Variants in CPAP observed in about 807,000 individuals in gnomAD.
CPAP encodes centrosome assembly and centriole elongation protein.
the CPAP span, among the ~76,000 whole-genome samples, chr13:24,926,650 C>T: frequency 6.6e-6 from 1 of 152,190 alleles, no homozygotes; most frequent in Admixed American, 6.5e-5. Context: ...GACAGAGTTT[C>T]CCTGAGCCCC....
At chr13:24,892,908 A>T in the CPAP span, 1 of 1,333,896 alleles carries the variant, frequency 7.5e-7, no homozygotes, top group Non-Finnish European at 1.1e-6. Flanking sequence ...CCATTACTAC[A>T]TTACCAGAAT....
At chr13:24,885,788 A>C in the CPAP span, 1 of 746,152 alleles carries the variant, frequency 1.3e-6, no homozygotes, top group South Asian at 1.6e-5. Flanking sequence ...CCATTAGTTA[A>C]GGATGTCTTA....
the CPAP span, among the ~76,000 whole-genome samples, chr13:24,913,717 A>C: frequency 1.3e-5 from 2 of 152,252 alleles, no homozygotes; most frequent in South Asian, 4.1e-4. Context: ...AGTTCCTTGA[A>C]GATATCTATA....
the CPAP span, among the ~76,000 whole-genome samples, chr13:24,902,935 CA>C: frequency 7.9e-5 from 12 of 152,086 alleles, no homozygotes; most frequent in Non-Finnish European, 8.8e-5. Flanking sequence ...TACCAAAAAA[CA>C]AAGAAATACG....
At chr13:24,929,159 GCTCAAGTGTTCCTCCTGCCTCAGCCTCC>G in the CPAP span, among the ~76,000 whole-genome samples, 20 of 152,138 alleles carry the variant, frequency 1.3e-4, no homozygotes, top group Non-Finnish European at 1.3e-4. Context: ...AACCTCCAGG[GCTCAAGTGTTCCTCCTGCCTCAGCCTCC>G]CAGGAAGCTG....
chr13:24,921,457 A>G, the CPAP span, among the ~76,000 whole-genome samples: 28 of 152,210 alleles, frequency 1.8e-4, no homozygotes, highest in Middle Eastern at 3.2e-3. Flanking sequence ...TTCATCTCCA[A>G]ATTTTTGACT....
At chr13:24,883,901 C>G in the CPAP span, 4 of 1,609,574 alleles carry the variant, frequency 2.5e-6, no homozygotes, top group East Asian at 4.5e-5. Context: ...GGGGCACCTT[C>G]TGAGCACAGA....
At chr13:24,893,053 G>A in the CPAP span, among the ~76,000 whole-genome samples, 2 of 152,086 alleles carry the variant, frequency 1.3e-5, no homozygotes, top group African/African-American at 4.8e-5. Context: ...GAGTCTCACC[G>A]CAGACCATCA....
At chr13:24,912,278 G>A in the CPAP span, among the ~76,000 whole-genome samples, 10 of 151,948 alleles carry the variant, frequency 6.6e-5, no homozygotes, top group South Asian at 2.1e-4. Context: ...CTAAGAAACC[G>A]AAACAGTCAT....
chr13:24,885,730 T>C, the CPAP span: 1 of 1,149,210 alleles, frequency 8.7e-7, no homozygotes, highest in African/African-American at 1.5e-5. Context: ...TTTATTAGTA[T>C]GATCACACAT....
the CPAP span, chr13:24,909,768 G>T: frequency 9.4e-6 from 15 of 1,599,856 alleles, no homozygotes; most frequent in Non-Finnish European, 1.2e-5. Context: ...AAGCACAGAA[G>T]AGAGAAACAT....
the CPAP span, chr13:24,933,238 A>C: frequency 1.1e-6 from 1 of 922,448 alleles, no homozygotes. Flanking sequence ...AGCAGGAGAG[A>C]GTGAGCTACT....
chr13:24,897,623 CAAA>C, the CPAP span, among the ~76,000 whole-genome samples: 82 of 151,914 alleles, frequency 5.4e-4, no homozygotes, highest in African/African-American at 1.9e-3. Flanking sequence ...AATAATAAAA[CAAA>C]GAACAAAGAT....
the CPAP span, among the ~76,000 whole-genome samples, chr13:24,902,419 G>C: frequency 6.6e-6 from 1 of 152,110 alleles, no homozygotes; most frequent in African/African-American, 2.4e-5. Context: ...ACTATGATAA[G>C]CATACATTTA....
At chr13:24,883,401 A>T in the CPAP span, 3 of 1,425,352 alleles carry the variant, frequency 2.1e-6, no homozygotes, top group Non-Finnish European at 1.9e-6. Flanking sequence ...TGATTTCTTA[A>T]AAAAAAAATA....
At chr13:24,892,961 G>T in the CPAP span, 1 of 932,740 alleles carries the variant, frequency 1.1e-6, no homozygotes, top group Non-Finnish European at 1.7e-6. Context: ...AAACAGAATA[G>T]CCAGCAAGAA....
chr13:24,917,011 GA>G, the CPAP span, among the ~76,000 whole-genome samples: 1 of 152,190 alleles, frequency 6.6e-6, no homozygotes, highest in Non-Finnish European at 1.5e-5. Flanking sequence ...AGCACTTTGG[GA>G]GACCAAGACG....
At chr13:24,902,250 A>AAAC in the CPAP span, among the ~76,000 whole-genome samples, 19 of 152,276 alleles carry the variant, frequency 1.2e-4, 1 homozygote, top group South Asian at 3.9e-3. Context: ...AAAAAACAAA[A>AAAC]AACAACAACA....
the CPAP span, among the ~76,000 whole-genome samples, chr13:24,897,876 T>C: frequency 6.6e-6 from 1 of 152,196 alleles, no homozygotes; most frequent in Non-Finnish European, 1.5e-5. Context: ...TAAATTTTGT[T>C]AGGTGTGACA....
Sources: allele counts gnomAD v4.1 joint callset (sites outside exome capture counted in the v4.1 genomes callset), GRCh38; gene constraint gnomAD v4.1.1; transcripts MANE v1.5; gene names NCBI Gene and HGNC (gene_info 2026-07-23, HGNC 2026-07-21).